Variants in ALKBH2 observed in about 807,000 individuals in gnomAD.
ALKBH2 encodes alkB homolog 2, alpha-ketoglutarate dependent dioxygenase.
Under a neutral mutation model 19.7 loss-of-function variants are expected in ALKBH2, and 19 were observed. The ratio of observed to expected loss-of-function variants is 0.97; its 90% CI spans 0.67 to 1.42. The LOEUF (loss-of-function observed/expected upper bound fraction) is 1.42, where lower values mean the gene tolerates loss of function less well. Ranked by LOEUF, ALKBH2 falls within the 40% of genes most tolerant of loss-of-function variation. The pLI, the probability that ALKBH2 is intolerant of heterozygous loss-of-function variation, is 0.00. For synonymous variants in ALKBH2, 135 were observed against 131.2 expected (o/e 1.03, Z -0.20); for missense variants, 310 against 328.5 (o/e 0.94, Z 0.43).
chr12:109,089,748 C>CAAA, intron 3 of ALKBH2: 2 of 402,086 alleles, frequency 5.0e-6, no homozygotes, highest in South Asian at 2.7e-5. Flanking sequence ...AACCCTGTCT[C>CAAA]AAAAAAAAAA....
chr12:109,092,812 G>T lies in ALKBH2; in HGVS notation c.-26C>A. 1.3e-6 allele frequency: 2 copies of T among 1,582,432 alleles called. No individual in the cohort carries two copies. The highest frequency in any genetic ancestry group is 1.9e-5 in the Admixed American group (1 of 53,524). ...CCTGTCCCCACAGGAAAGAAGGGAC[G>T]TCAGTGGCGAGGCCAAGACAGAAAT... On this transcript the variant is annotated 5_prime_UTR_variant, in exon 2 of 4. Transcript: ENST00000429722.
chr12:109,088,534 A>C lies in ALKBH2; in HGVS notation c.480-22T>G. ...ATACCTGCAATGAGAAAACAAACAC[A>C]GTGCATAAAAACAACCCTCTCCTGA... On this transcript the variant is annotated intron_variant, in intron 3 of 3. Coordinates refer to ENST00000429722, the MANE Select transcript of ALKBH2 (RefSeq NM_001145374.2). The surrounding 1 kb of genome is among the most constrained non-coding windows in gnomAD (Gnocchi z 4.2). The C allele has an allele frequency of 6.4e-7, 1 of 1,560,722 alleles. No individual in the cohort carries two copies. Among genetic ancestry groups the C allele is most frequent in the Non-Finnish European group, 8.7e-7 (1 of 1,150,730 alleles).
chr12:109,090,872 C>G lies in ALKBH2; in HGVS notation c.281-665G>C, dbSNP rs142824359. Among the ~76,000 whole-genome samples the G allele has an allele frequency of 6.1e-3, 928 of 152,308 alleles. 7 individuals carry two copies. The highest frequency in any genetic ancestry group is 0.021 in the African/African-American group (872 of 41,566). On this transcript the variant is annotated intron_variant, in intron 2 of 3. Coordinates refer to ENST00000429722, the MANE Select transcript of ALKBH2 (RefSeq NM_001145374.2). Reference sequence around the variant, plus strand: ...CCAAATGTTCATGTAAGAACAGTGACTCTTGTTCTACAAGGAGAGAAACAT... The same window carrying G: ...CCAAATGTTCATGTAAGAACAGTGAGTCTTGTTCTACAAGGAGAGAAACAT...
Position 109,090,134 on chromosome 12 carries a change from A to G in ALKBH2, c.354T>C (p.Ala118=), listed in dbSNP as rs2042039307. 1 of 1,614,028 alleles carries G rather than the reference A, an allele frequency of 6.2e-7. No individual in the cohort carries two copies. ...GGCCTGAAAATGTGTAGGTCAGCCC[A>G]GCGTCGCCATACGTTGCCTGCTTCC... ...VPRKQATYGD[A]GLTYTFSGLT... is the part of the protein sequence containing the mutation. Residue 118 remains alanine, a synonymous_variant, in exon 3 of 4, where the codon GCT becomes GCC. Transcript: ENST00000429722.
intron 3 of ALKBH2, among the ~76,000 whole-genome samples, chr12:109,089,165 T>G (rs756169919): frequency 1.3e-5 from 2 of 152,212 alleles, no homozygotes; most frequent in Non-Finnish European, 2.9e-5. Context: ...GCTGAGCTCA[T>G]GCCATCCCCT....
At position 109,088,723 on chromosome 12, in the gene ALKBH2, A is replaced by T. The variant is rs920828161; in HGVS notation, c.480-211T>A. Among the ~76,000 whole-genome samples, 1 of 151,946 alleles carries T rather than the reference A, an allele frequency of 6.6e-6. No homozygotes were observed. The highest frequency in any genetic ancestry group is 1.5e-5 in the Non-Finnish European group (1 of 67,980). Reference sequence around the variant, plus strand: ...ACGTATTTGTTCATGTGACTTATTTATTATTATTTTTGAGAGGGTCTCGCT... The same window carrying T: ...ACGTATTTGTTCATGTGACTTATTTTTTATTATTTTTGAGAGGGTCTCGCT... On this transcript the variant is annotated intron_variant, in intron 3 of 3. Coordinates refer to ENST00000429722, the MANE Select transcript of ALKBH2 (RefSeq NM_001145374.2). This position sits in a 1 kb window ranked among gnomAD's most constrained non-coding sequence, Gnocchi z 4.2.
intron 2 of ALKBH2, among the ~76,000 whole-genome samples, chr12:109,090,894 A>G (rs1593312725): frequency 6.6e-6 from 1 of 152,186 alleles, no homozygotes; most frequent in Admixed American, 6.5e-5. Flanking sequence ...AAGGAGAGAA[A>G]CATGGTCCTG....
Position 109,090,190 on chromosome 12 carries a change from G to A in ALKBH2, c.298C>T (p.Gln100Ter). 1 of 1,613,718 alleles carries A rather than the reference G, an allele frequency of 6.2e-7. No individual in the cohort carries two copies. The highest frequency in any genetic ancestry group is 1.1e-5 in the South Asian group (1 of 91,076). The change falls in exon 3 of 4, where the codon CAG becomes TAG. Residue 100 changes from glutamine to a stop codon, truncating the protein, a stop_gained. Coordinates refer to ENST00000429722, the MANE Select transcript of ALKBH2 (RefSeq NM_001145374.2). LOFTEE classifies it high-confidence loss of function. ...EYFTGALARV[Q>*]VFGKWHSVPR... ...ACACTGTGCCACTTCCCGAATACCTGGACTCTGGCCAGTGCTCCTGTGCAG... is the reference window on the plus strand; with the variant it reads ...ACACTGTGCCACTTCCCGAATACCTAGACTCTGGCCAGTGCTCCTGTGCAG...
rs930825170 is a variant in ALKBH2 at position 109,088,727 on chromosome 12, T to C, written c.480-215A>G. Among the ~76,000 whole-genome samples the C allele has an allele frequency of 6.6e-6, 1 of 152,158 alleles. No individual in the cohort carries two copies. Among genetic ancestry groups the C allele is most frequent in the African/African-American group, 2.4e-5 (1 of 41,438 alleles). ...ATTTGTTCATGTGACTTATTTATTA[T>C]TATTTTTGAGAGGGTCTCGCTCTGT... is the stretch of plus-strand genomic sequence containing the variant. On this transcript the variant is annotated intron_variant, in intron 3 of 3. Transcript: ENST00000429722. This position sits in a 1 kb window ranked among gnomAD's most constrained non-coding sequence, Gnocchi z 4.2.
rs371840572 is a variant in ALKBH2 at position 109,092,555 on chromosome 12, C to T, written c.232G>A (p.Ala78Thr). 11 of 1,605,826 alleles carry T rather than the reference C, an allele frequency of 6.9e-6. No individual in the cohort carries two copies. Among genetic ancestry groups the T allele is most frequent in the African/African-American group, 1.3e-5 (1 of 74,596 alleles). Residue 78 changes from alanine to threonine, a missense_variant, in exon 2 of 4, where the codon GCA (alanine) becomes ACA (threonine). By Grantham distance (58) the Ala-to-Thr change is moderately conservative. Coordinates refer to ENST00000429722, the MANE Select transcript of ALKBH2 (RefSeq NM_001145374.2). ...SYTVLFGKAE[A>T]DEIFQELEKE... ...TCCAACTCTTGGAAAATCTCATCTG[C>T]CTCAGCTTTGCCAAACAGGACTGTG...
chr12:109,092,063 G>A (rs910118185), intron 2 of ALKBH2, among the ~76,000 whole-genome samples: 6 of 152,176 alleles, frequency 3.9e-5, no homozygotes, highest in Non-Finnish European at 7.3e-5. Context: ...GAAATTACCT[G>A]GTTATTTGCC....
At position 109,092,913 on chromosome 12, in the gene ALKBH2, T is replaced by C. The variant is rs111975388; in HGVS notation, c.-127A>G. 3.5e-3 allele frequency: 5,146 copies of C among 1,488,036 alleles called. 153 individuals carry two copies. The African/African-American group carries it at 0.063, about 18-fold the overall frequency. 92.2% of individuals were successfully genotyped at this position (1,488,036 alleles called of 1,614,324 possible). On this transcript the variant is annotated 5_prime_UTR_variant, in exon 2 of 4. Coordinates refer to ENST00000429722, the MANE Select transcript of ALKBH2 (RefSeq NM_001145374.2). ...CAGCAACATTCCTAGTTTCACATTT[T>C]CATTTTAAAGTTTAAAACCATGTCC...
intron 2 of ALKBH2, among the ~76,000 whole-genome samples, chr12:109,090,559 C>T (rs1485904019): frequency 1.1e-4 from 17 of 152,280 alleles, no homozygotes; most frequent in Middle Eastern, 3.4e-3. Flanking sequence ...TCCTGAATAG[C>T]TGGGACCACA....
rs758522884 is a variant in ALKBH2, at chr12:109,088,264, T to A, written c.728A>T (p.Lys243Met). The change falls in exon 4 of 4, where the codon AAG becomes ATG. Residue 243 changes from lysine (K) to methionine (M), a missense_variant. Physicochemically the swap from Lys to Met is moderately conservative, Grantham distance 95. Coordinates refer to ENST00000429722, the MANE Select transcript of ALKBH2 (RefSeq NM_001145374.2). This position sits in a 1 kb window ranked among gnomAD's most constrained non-coding sequence, Gnocchi z 4.2. ...HWYHSLPVRK[K>M]VLAPRVNLTF... Reference sequence around the variant, plus strand: ...CAGATTCACCCGTGGAGCCAGAACCTTCTTTCTCACGGGAAGACTGTGGTA... The same window carrying A: ...CAGATTCACCCGTGGAGCCAGAACCATCTTTCTCACGGGAAGACTGTGGTA... The A allele has an allele frequency of 6.2e-7, 1 of 1,613,750 alleles. No homozygotes were observed. Among genetic ancestry groups the A allele is most frequent in the South Asian group, 1.1e-5 (1 of 91,070 alleles).
At chr12:109,089,836 G>A (rs1432275578) in intron 3 of ALKBH2, 173 bp downstream of exon 3, 13 of 639,106 alleles carry the variant, frequency 2.0e-5, no homozygotes, top group South Asian at 3.8e-5. Context: ...TTCCTACTCC[G>A]GGATGAGCTC....
At chr12:109,092,098 C>A (rs1304848189) in intron 2 of ALKBH2, among the ~76,000 whole-genome samples, 1 of 152,232 alleles carries the variant, frequency 6.6e-6, no homozygotes, top group Non-Finnish European at 1.5e-5. Context: ...ACCAGTGATT[C>A]TCAAACCCTG....
rs772390702 is a variant in ALKBH2 at position 109,092,696 on chromosome 12, C to T, written c.91G>A (p.Gly31Arg). 1 of 1,614,194 alleles carries T rather than the reference C, an allele frequency of 6.2e-7. No homozygotes were observed. Among genetic ancestry groups the T allele is most frequent in the South Asian group, 1.1e-5 (1 of 91,090 alleles). The change falls in exon 2 of 4, where the codon GGA becomes AGA. Residue 31 changes from glycine to arginine, a missense_variant. Coordinates refer to ENST00000429722, the MANE Select transcript of ALKBH2 (RefSeq NM_001145374.2). ...TTCCTTGTGCTTTCTTTGTCTCCTC[C>T]CAACACAGCTGGCTCTTCTCCAGTT... ...EPTGEEPAVL[G>R]GDKESTRKRP... is the part of the protein sequence containing the mutation.
chr12:109,089,440 G>A (rs2042024822), intron 3 of ALKBH2, among the ~76,000 whole-genome samples: 1 of 152,198 alleles, frequency 6.6e-6, no homozygotes, highest in Admixed American at 6.5e-5. Context: ...TCTAGTGGAT[G>A]GAGGCCAGGG....
chr12:109,092,999 T>C, intron 1 of ALKBH2, 62 bp from the exon 2 acceptor site: 1 of 1,270,800 alleles, frequency 7.9e-7, no homozygotes, highest in Non-Finnish European at 1.0e-6. Flanking sequence ...TGATCCAGGG[T>C]CTCCCACGTC....
Sources: allele counts gnomAD v4.1 joint callset (sites outside exome capture counted in the v4.1 genomes callset), GRCh38; gene constraint gnomAD v4.1.1; non-coding constraint Gnocchi (gnomAD v3.1); transcripts MANE v1.5; gene names NCBI Gene and HGNC (gene_info 2026-07-23, HGNC 2026-07-21).